Variants in PTCHD4 observed in about 807,000 individuals in gnomAD.
PTCHD4 encodes patched domain containing 4.
PTCHD4 carries 33 observed loss-of-function variants against 58.1 expected under a neutral mutation model. The observed-to-expected ratio is 0.57, with a 90% CI of 0.43 to 0.76. The LOEUF is 0.76. Ranked by LOEUF, PTCHD4 falls within the 30% of genes least tolerant of loss-of-function variation. The pLI is 0.00. For synonymous variants in PTCHD4, 478 were observed against 409.6 expected (o/e 1.17, Z -2.02); for missense variants, 1,058 against 1,027.1 (o/e 1.03, Z -0.41).
chr6:48,064,028 TATTTCAA>T (rs140849295), intron 3 of PTCHD4, among the ~76,000 whole-genome samples: 204 of 152,284 alleles, frequency 1.3e-3, no homozygotes, highest in Non-Finnish European at 2.2e-3. Context: ...TCTTTGCTCT[TATTTCAA>T]ATGTGGTACA....
In PTCHD4 at chr6:47,987,821, G is replaced by A. The variant is rs533486283; in HGVS notation, c.898+20813C>T. On this transcript the variant is annotated intron_variant, in intron 4 of 4. Transcript: ENST00000339488. Reference sequence around the variant, plus strand: ...AGATGGAGTCTGGCTCTGTTGCCCAGGCTGGAGTACAGTGGCGTGATCTCA... The same window carrying A: ...AGATGGAGTCTGGCTCTGTTGCCCAAGCTGGAGTACAGTGGCGTGATCTCA... Among the ~76,000 whole-genome samples the A allele has an allele frequency of 6.6e-5, 10 of 150,920 alleles. No homozygotes were observed. The South Asian group carries it at 2.1e-3, about 32-fold the overall frequency.
rs1326378523 is a variant in PTCHD4, at chr6:47,860,198, T to G, written c.*18105A>C. 1.3e-5 allele frequency among the ~76,000 whole-genome samples: 2 copies of G among 152,024 alleles called. No individual in the cohort carries two copies. The highest frequency in any genetic ancestry group is 2.9e-5 in the Non-Finnish European group (2 of 67,972). The stretch of plus-strand genomic sequence containing the variant: ...CTTGTGCTTTATTGTGAGTGACTAT[T>G]TCTTCTGTCAGCATCTTTAAAGAGA... On this transcript the variant is annotated 3_prime_UTR_variant, in exon 5 of 5. Transcript: ENST00000339488.
intron 4 of PTCHD4, among the ~76,000 whole-genome samples, chr6:47,928,744 T>C (rs892626506): frequency 2.0e-5 from 3 of 152,214 alleles, no homozygotes; most frequent in African/African-American, 7.2e-5. Flanking sequence ...TGCCCACCCA[T>C]TGTGAGTTCC....
At chr6:48,102,793 A>G (rs1765635475) in intron 1 of PTCHD4, among the ~76,000 whole-genome samples, 1 of 152,220 alleles carries the variant, frequency 6.6e-6, no homozygotes, top group Non-Finnish European at 1.5e-5. Context: ...CAAACGACAC[A>G]CCAGGAGATT....
intron 4 of PTCHD4, among the ~76,000 whole-genome samples, chr6:47,888,044 C>T (rs942158972): frequency 3.9e-5 from 6 of 152,122 alleles, no homozygotes; most frequent in African/African-American, 1.2e-4. Flanking sequence ...CATCCCAGTA[C>T]AGAATGAGTC....
chr6:47,905,098 T>C (rs1764836817), intron 4 of PTCHD4, among the ~76,000 whole-genome samples: 1 of 135,206 alleles, frequency 7.4e-6, no homozygotes, highest in South Asian at 2.4e-4. Flanking sequence ...AATGAATGGA[T>C]AGACTTTTGA....
intron 4 of PTCHD4, among the ~76,000 whole-genome samples, chr6:47,981,459 C>G (rs1477559719): frequency 6.6e-6 from 1 of 151,438 alleles, no homozygotes; most frequent in Non-Finnish European, 1.5e-5. Context: ...GGTCATTTTT[C>G]ACATTTTTGT....
chr6:47,990,454 G>A (rs1034809299), intron 4 of PTCHD4, among the ~76,000 whole-genome samples: 3 of 152,154 alleles, frequency 2.0e-5, no homozygotes, highest in Non-Finnish European at 4.4e-5. Flanking sequence ...GTTGTGGGAG[G>A]GACCCGGTGG....
chr6:47,968,321 C>T (rs534179099), intron 4 of PTCHD4, among the ~76,000 whole-genome samples: 1 of 152,104 alleles, frequency 6.6e-6, no homozygotes, highest in African/African-American at 2.4e-5. Flanking sequence ...TACCTCAAAA[C>T]AATTACAATA....
rs1449459966 is a variant in PTCHD4, at chr6:47,870,952, A to G, written c.*7351T>C. 6.6e-6 allele frequency among the ~76,000 whole-genome samples: 1 copy of G among 151,558 alleles called. No homozygotes were observed. Among genetic ancestry groups the G allele is most frequent in the Non-Finnish European group, 1.5e-5 (1 of 67,658 alleles). ...AGAAGGAATATTGTTATGGGTAAAGACATCTGGAATTGATGGTTTGCCATG... is the reference window on the plus strand; with the variant it reads ...AGAAGGAATATTGTTATGGGTAAAGGCATCTGGAATTGATGGTTTGCCATG... On this transcript the variant is annotated 3_prime_UTR_variant, in exon 5 of 5. Coordinates refer to ENST00000339488, the MANE Select transcript of PTCHD4 (RefSeq NM_001384253.1).
chr6:47,971,884 G>A (rs1767526607), intron 4 of PTCHD4, among the ~76,000 whole-genome samples: 1 of 152,176 alleles, frequency 6.6e-6, no homozygotes, highest in African/African-American at 2.4e-5. Context: ...AGGAGTGACT[G>A]TTCTGGGAGG....
intron 1 of PTCHD4, among the ~76,000 whole-genome samples, chr6:48,099,671 G>A (rs1318326143): frequency 6.6e-6 from 1 of 152,214 alleles, no homozygotes; most frequent in Non-Finnish European, 1.5e-5. Flanking sequence ...TTAGAATGCA[G>A]CATCTATAGG....
At position 47,868,819 on chromosome 6, in the gene PTCHD4, G is replaced by A. The variant is rs984785353; in HGVS notation, c.*9484C>T. Among the ~76,000 whole-genome samples, 1 of 151,574 alleles carries A rather than the reference G, an allele frequency of 6.6e-6. No homozygotes were observed. Among genetic ancestry groups the A allele is most frequent in the East Asian group, 1.9e-4 (1 of 5,142 alleles). On this transcript the variant is annotated 3_prime_UTR_variant, in exon 5 of 5. Transcript: ENST00000339488. ...AAAAGTTATTTTAGAAATGATAAAA[G>A]TTGAACATATTTAAAGGAAAAAAGC...
chr6:48,076,020 A>G (rs1765059225), intron 1 of PTCHD4, among the ~76,000 whole-genome samples: 1 of 152,226 alleles, frequency 6.6e-6, no homozygotes, highest in African/African-American at 2.4e-5. Flanking sequence ...ACTTCTTTCA[A>G]GATTGGAGTC....
Position 47,990,535 on chromosome 6 carries a change from C to A in PTCHD4, c.898+18099G>T, listed in dbSNP as rs537861880. On this transcript the variant is annotated intron_variant, in intron 4 of 4. Transcript: ENST00000339488. ...TGGTACTGAATAAGTCTCATGAGAT[C>A]TGATGGTTTTATCAGGGGTTTCTGC... Among the ~76,000 whole-genome samples, 3 of 152,298 alleles carry A rather than the reference C, an allele frequency of 2.0e-5. No individual in the cohort carries two copies. In the South Asian group the frequency reaches 6.2e-4, roughly 32 times the overall value.
At chr6:48,070,706 A>G (rs1191890951) in intron 1 of PTCHD4, among the ~76,000 whole-genome samples, 2 of 152,170 alleles carry the variant, frequency 1.3e-5, no homozygotes, top group Non-Finnish European at 2.9e-5. Context: ...TCTTGTATTC[A>G]GTCAAACTCA....
rs749784673 is a variant in PTCHD4, at chr6:47,879,789, C to T, written c.1046G>A (p.Gly349Asp). ...MTSSLYFITF[G>D]MGASPFTNIE... ...GTTTGTGAATGGGCTGGCACCCATGCCAAAAGTGATGAAGTACAGGGAGCT... is the reference window on the plus strand; with the variant it reads ...GTTTGTGAATGGGCTGGCACCCATGTCAAAAGTGATGAAGTACAGGGAGCT... Residue 349 changes from glycine (G) to aspartate (D), a missense_variant, in exon 5 of 5, where the codon GGC becomes GAC. Physicochemically the swap from Gly to Asp is moderately conservative, Grantham distance 94 (BLOSUM62 -1). Coordinates refer to ENST00000339488, the MANE Select transcript of PTCHD4 (RefSeq NM_001384253.1). 6.2e-7 allele frequency: 1 copy of T among 1,613,540 alleles called. No homozygotes were observed. Among genetic ancestry groups the T allele is most frequent in the Non-Finnish European group, 8.5e-7 (1 of 1,179,734 alleles).
chr6:47,991,842 G>T (rs189781738), intron 4 of PTCHD4, among the ~76,000 whole-genome samples: 292 of 151,904 alleles, frequency 1.9e-3, no homozygotes, highest in African/African-American at 6.8e-3. Context: ...ATTTGTAAAA[G>T]GGAAAAATGA....
intron 4 of PTCHD4, among the ~76,000 whole-genome samples, chr6:47,953,152 C>A (rs1291433784): frequency 6.6e-6 from 1 of 152,024 alleles, no homozygotes; most frequent in East Asian, 1.9e-4. Flanking sequence ...CCCTTAACTT[C>A]TGAATAATGG....
Sources: allele counts gnomAD v4.1 joint callset (sites outside exome capture counted in the v4.1 genomes callset), GRCh38; gene constraint gnomAD v4.1.1; transcripts MANE v1.5; gene names NCBI Gene and HGNC (gene_info 2026-07-23, HGNC 2026-07-21).